Variants in ZSCAN25 observed in about 807,000 individuals in gnomAD.
The protein encoded by ZSCAN25 is zinc finger and SCAN domain containing 25, also known as zinc finger and SCAN domain-containing protein 25.
In ZSCAN25, 27 loss-of-function variants were observed where a neutral mutation model predicts 38.7. That is an observed-to-expected ratio of 0.70 (90% CI 0.51 to 0.96). The LOEUF (loss-of-function observed/expected upper bound fraction) is 0.96. ZSCAN25 is among the 40% of genes least tolerant of loss of function. ZSCAN25 has a pLI of 0.00. For synonymous variants in ZSCAN25, 273 were observed against 277.7 expected, an observed-to-expected ratio of 0.98 and a Z score of 0.17; for missense variants, 637 against 705.9, an observed-to-expected ratio of 0.90 and a Z score of 1.11.
the ZSCAN25 span, among the ~76,000 whole-genome samples, chr7:99,681,959 G>GTTTTTTGT: frequency 2.0e-5 from 3 of 151,908 alleles, no homozygotes; most frequent in Non-Finnish European, 4.4e-5. Flanking sequence ...TTTCAGTTTT[G>GTTTTTTGT]TTTTTTGTTT....
At chr7:99,671,904 A>C in the ZSCAN25 span, 1 of 700,758 alleles carries the variant, frequency 1.4e-6, no homozygotes, top group Non-Finnish European at 2.6e-6. Flanking sequence ...ATTGCTTAGA[A>C]CTACCCACAC....
At chr7:99,705,107 CAT>C in the ZSCAN25 span, 1 of 207,762 alleles carries the variant, frequency 4.8e-6, no homozygotes, top group South Asian at 8.3e-5. Flanking sequence ...AGATATAACA[CAT>C]GATATAAATG....
At chr7:99,658,017 T>C in the ZSCAN25 span, among the ~76,000 whole-genome samples, 2 of 152,224 alleles carry the variant, frequency 1.3e-5, no homozygotes, top group Non-Finnish European at 2.9e-5. Context: ...AGCACACCGA[T>C]GGGTCTTGAC....
the ZSCAN25 span, among the ~76,000 whole-genome samples, chr7:99,708,340 T>C: frequency 1.3e-5 from 2 of 152,220 alleles, no homozygotes; most frequent in Admixed American, 1.3e-4. Context: ...GTCACCCTTA[T>C]GTTGGTCATG....
chr7:99,720,623 G>A, the ZSCAN25 span: 5 of 510,208 alleles, frequency 9.8e-6, no homozygotes, highest in Admixed American at 6.4e-5. Flanking sequence ...GGGTAATGTG[G>A]GCCAAACAGG....
the ZSCAN25 span, among the ~76,000 whole-genome samples, chr7:99,728,408 A>G: frequency 0.011 from 1,610 of 152,234 alleles, 32 homozygotes; most frequent in African/African-American, 0.037. Context: ...TTGGTTGTAG[A>G]CACTATGCTC....
the ZSCAN25 span, chr7:99,695,752 G>A: frequency 6.2e-7 from 1 of 1,613,276 alleles, no homozygotes; most frequent in Non-Finnish European, 8.5e-7. Flanking sequence ...TCACCTGATG[G>A]TAGGACAAAG....
the ZSCAN25 span, chr7:99,663,540 G>A: frequency 2.0e-6 from 2 of 991,818 alleles, no homozygotes; most frequent in South Asian, 4.6e-5. Flanking sequence ...GTCAGCAGTC[G>A]GCAGGTAGCC....
chr7:99,642,819 C>T, the ZSCAN25 span, among the ~76,000 whole-genome samples: 1 of 152,154 alleles, frequency 6.6e-6, no homozygotes, highest in Non-Finnish European at 1.5e-5. Flanking sequence ...GATATTTCCC[C>T]CACTACCTAG....
At chr7:99,678,022 G>A in the ZSCAN25 span, among the ~76,000 whole-genome samples, 3 of 152,214 alleles carry the variant, frequency 2.0e-5, no homozygotes, top group Non-Finnish European at 4.4e-5. Context: ...TGGGTCCAGT[G>A]AAGAGACTAA....
At chr7:99,644,550 G>T in the ZSCAN25 span, among the ~76,000 whole-genome samples, 2,599 of 152,244 alleles carry the variant, frequency 0.017, 83 homozygotes, top group African/African-American at 0.058. Context: ...GGCAGTTGTT[G>T]TGACCCTCTG....
Position 99,630,111 on chromosome 7 carries a change from C to T in ZSCAN25, c.*91C>T, listed in dbSNP as rs1369751357. On this transcript the variant is annotated 3_prime_UTR_variant, in exon 8 of 8. Coordinates refer to ENST00000394152, the MANE Select transcript of ZSCAN25 (RefSeq NM_145115.3). ...GTGATGGCTGCAGGAAAGCACTGGT[C>T]CCATCGCCTTCCCACCCATTCGCCA... 9.0e-6 allele frequency: 13 copies of T among 1,436,626 alleles called. No individual in the cohort carries two copies. The highest frequency in any genetic ancestry group is 2.9e-5 in the Admixed American group (1 of 34,616). 89.0% of individuals were successfully genotyped at this position (1,436,626 alleles called of 1,614,324 possible).
chr7:99,620,851 G>C (rs947113665), intron 4 of ZSCAN25: 15 of 152,302 alleles, frequency 9.8e-5, no homozygotes, highest in African/African-American at 3.6e-4. Context: ...TGAGCTCCTG[G>C]CTCAGTTGAT....
At chr7:99,684,977 C>T in the ZSCAN25 span, 1 of 552,360 alleles carries the variant, frequency 1.8e-6, no homozygotes, top group Admixed American at 3.1e-5. Flanking sequence ...TCTACACAGA[C>T]AGGGAGAGAG....
At chr7:99,735,471 A>AATCGC in the ZSCAN25 span, among the ~76,000 whole-genome samples, 2 of 151,582 alleles carry the variant, frequency 1.3e-5, no homozygotes, top group African/African-American at 4.9e-5. Flanking sequence ...AAATCTATTA[A>AATCGC]CTCTCCTCTT....
rs1388877641 is a variant in ZSCAN25, at chr7:99,631,330, A to C, written c.*1310A>C. On this transcript the variant is annotated 3_prime_UTR_variant, in exon 8 of 8. Coordinates refer to ENST00000394152, the MANE Select transcript of ZSCAN25 (RefSeq NM_145115.3). ...GTTTTGCATGAGTGCCAAGTCAGGA[A>C]AAATAAAGATATTTGTAGGCATTAA... is the stretch of plus-strand genomic sequence containing the variant. 1 of 985,224 alleles carries C rather than the reference A, an allele frequency of 1.0e-6. No homozygotes were observed. Among genetic ancestry groups the C allele is most frequent in the African/African-American group, 1.7e-5 (1 of 57,178 alleles). The allele number at this position is 985,224 out of a possible 1,614,324, so 61.0% of individuals were successfully genotyped here. A position where few individuals can be genotyped will look rare whatever the true frequency, so the allele number is the denominator to read the frequency against.
intron 1 of ZSCAN25, among the ~76,000 whole-genome samples, chr7:99,617,783 G>T (rs899911791): frequency 1.3e-5 from 2 of 152,158 alleles, no homozygotes; most frequent in Admixed American, 6.5e-5. Context: ...GGGAGATAAA[G>T]AATAGCAATG....
chr7:99,637,722 G>T, the ZSCAN25 span, among the ~76,000 whole-genome samples: 8,785 of 152,072 alleles, frequency 0.058, 524 homozygotes, highest in East Asian at 0.25. Context: ...TACTAAGTTA[G>T]AACTCATAAG....
At chr7:99,732,016 T>C in the ZSCAN25 span, among the ~76,000 whole-genome samples, 1 of 152,190 alleles carries the variant, frequency 6.6e-6, no homozygotes, top group Non-Finnish European at 1.5e-5. Flanking sequence ...GTGCCAGTGA[T>C]ATGATCTGAA....
Sources: allele counts gnomAD v4.1 joint callset (sites outside exome capture counted in the v4.1 genomes callset), GRCh38; gene constraint gnomAD v4.1.1; transcripts MANE v1.5; gene names NCBI Gene and HGNC (gene_info 2026-07-23, HGNC 2026-07-21).